The following SMARCA2 variants were observed in gnomAD, a reference collection of about 807,000 sequenced individuals.
The protein encoded by SMARCA2 is SWI/SNF-related matrix-associated actin-dependent regulator of chromatin subfamily A member 2.
SMARCA2 carries 61 observed loss-of-function variants against 199.8 expected under a neutral mutation model. The observed-to-expected ratio is 0.31, with a 90% CI of 0.25 to 0.38. The LOEUF (loss-of-function observed/expected upper bound fraction) is 0.38, where lower values mean the gene tolerates loss of function less well. Ranked by LOEUF, SMARCA2 falls within the 10% of genes least tolerant of loss-of-function variation. The probability of loss-of-function intolerance (pLI) is 1.00; values close to 1 mark genes in which losing one functional copy is unlikely to be tolerated. For missense variants in SMARCA2, 1,344 were observed against 2,012.2 expected, an observed-to-expected ratio of 0.67 and a Z score of 6.35; for synonymous variants, 935 against 732.0, an observed-to-expected ratio of 1.28 and a Z score of -4.48.
chr9:2,023,178 T>C (rs1307078194), intron 1 of SMARCA2, among the ~76,000 whole-genome samples: 1 of 152,208 alleles, frequency 6.6e-6, no homozygotes, highest in East Asian at 1.9e-4. Context: ...TAAGGCAGTG[T>C]CTGAGGTTCA....
chr9:2,112,179 T>G (rs1451704118), intron 24 of SMARCA2, among the ~76,000 whole-genome samples: 1 of 152,154 alleles, frequency 6.6e-6, no homozygotes, highest in East Asian at 1.9e-4. Context: ...CTAGGCTGGG[T>G]ATCTAAGGGG....
chr9:2,117,702 C>T (rs1199183811), intron 25 of SMARCA2, among the ~76,000 whole-genome samples: 1 of 152,194 alleles, frequency 6.6e-6, no homozygotes, highest in Non-Finnish European at 1.5e-5. Flanking sequence ...CAGGGAGTTG[C>T]TGATCTCCCC....
At chr9:2,057,589 A>T (rs978128228) in intron 7 of SMARCA2, among the ~76,000 whole-genome samples, 1 of 152,218 alleles carries the variant, frequency 6.6e-6, no homozygotes, top group Non-Finnish European at 1.5e-5. Context: ...TAACAAATAT[A>T]ATAGTGTCCT....
chr9:2,176,096 G>C (rs967493863), intron 29 of SMARCA2, among the ~76,000 whole-genome samples: 1 of 150,936 alleles, frequency 6.6e-6, no homozygotes, highest in African/African-American at 2.4e-5. Flanking sequence ...GGTCAGGCTG[G>C]TCTTGAACTC....
At chr9:2,070,549 A>G (rs539639017) in intron 10 of SMARCA2, 78 bp downstream of exon 10, 5 of 986,386 alleles carry the variant, frequency 5.1e-6, no homozygotes, top group Non-Finnish European at 4.8e-6. Flanking sequence ...TTCTTCATGC[A>G]TACTATTTTA....
chr9:2,060,789 C>T (rs779962190), intron 8 of SMARCA2, 27 bp from the exon 9 acceptor site: 2 of 1,609,664 alleles, frequency 1.2e-6, no homozygotes, highest in Admixed American at 1.7e-5. Flanking sequence ...ATATTATGCT[C>T]TCATCCTGCT....
intron 29 of SMARCA2, among the ~76,000 whole-genome samples, chr9:2,173,120 G>C (rs1185983069): frequency 1.3e-5 from 2 of 152,196 alleles, no homozygotes; most frequent in Non-Finnish European, 2.9e-5. Context: ...TGAGTGATCA[G>C]TGAACAGCGG....
chr9:2,099,008 A>T (rs901210304), intron 21 of SMARCA2, among the ~76,000 whole-genome samples: 1 of 152,148 alleles, frequency 6.6e-6, no homozygotes. Flanking sequence ...GCAATGGCCA[A>T]AAATGAGTTC....
At chr9:2,113,276 C>G (rs1314443760) in intron 24 of SMARCA2, among the ~76,000 whole-genome samples, 2 of 152,106 alleles carry the variant, frequency 1.3e-5, no homozygotes, top group Admixed American at 6.5e-5. Context: ...AAAAATCCCA[C>G]CAGGTTGCCA....
At chr9:2,077,029 C>G (rs913324193) in intron 13 of SMARCA2, among the ~76,000 whole-genome samples, 4 of 152,090 alleles carry the variant, frequency 2.6e-5, no homozygotes, top group Admixed American at 2.6e-4. Flanking sequence ...CTTTAGGGAC[C>G]CTTCCTCCTA....
intron 27 of SMARCA2, among the ~76,000 whole-genome samples, chr9:2,157,105 C>T (rs1365819553): frequency 4.6e-5 from 7 of 152,270 alleles, no homozygotes; most frequent in South Asian, 2.1e-4. Flanking sequence ...ATTAAAATAA[C>T]GTAGCATCTT....
In SMARCA2 at chr9:2,193,589, T is replaced by G. The variant is rs562222393; in HGVS notation, c.*850T>G. On this transcript the variant is annotated 3_prime_UTR_variant, in exon 34 of 34. Coordinates refer to ENST00000349721, the MANE Select transcript of SMARCA2 (RefSeq NM_003070.5). ...GTAATTTCGAAGAATGTGGTGTTGG[T>G]GCTTTCCTAATAAAGAAATAATTTA... 38 of 152,812 alleles carry G rather than the reference T, an allele frequency of 2.5e-4. No homozygotes were observed. The highest frequency in any genetic ancestry group is 8.9e-4 in the African/African-American group (37 of 41,588). The allele number at this position is 152,812 out of a possible 1,614,324, so 9.5% of individuals were successfully genotyped here.
intron 28 of SMARCA2, among the ~76,000 whole-genome samples, chr9:2,165,868 A>T (rs1443877954): frequency 6.6e-6 from 1 of 152,146 alleles, no homozygotes; most frequent in Non-Finnish European, 1.5e-5. Context: ...GTTGGAAGGG[A>T]TGTTTAGCTC....
At chr9:2,033,844 T>C (rs1022157972) in intron 3 of SMARCA2, among the ~76,000 whole-genome samples, 1 of 152,232 alleles carries the variant, frequency 6.6e-6, no homozygotes, top group Admixed American at 6.5e-5. Context: ...AAATTTTTCC[T>C]GTGTGTCTGT....
intron 5 of SMARCA2, among the ~76,000 whole-genome samples, chr9:2,051,896 T>G (rs1400878916): frequency 6.6e-6 from 1 of 152,218 alleles, no homozygotes; most frequent in Non-Finnish European, 1.5e-5. Flanking sequence ...ATTGTTAAGA[T>G]GCATCATCTG....
intron 27 of SMARCA2, among the ~76,000 whole-genome samples, chr9:2,139,937 A>T (rs1422263844): frequency 6.6e-6 from 1 of 152,240 alleles, no homozygotes; most frequent in Non-Finnish European, 1.5e-5. Context: ...CATGAAGGTT[A>T]AACTACAAAC....
chr9:2,159,048 T>C, intron 27 of SMARCA2: 1 of 1,567,956 alleles, frequency 6.4e-7, no homozygotes, highest in Non-Finnish European at 8.7e-7. Context: ...GTATTAGCAG[T>C]TGTAATAAAA....
chr9:2,052,744 G>C (rs1292367077), intron 5 of SMARCA2, among the ~76,000 whole-genome samples: 1 of 151,790 alleles, frequency 6.6e-6, no homozygotes, highest in African/African-American at 2.4e-5. Flanking sequence ...TTGATATTTG[G>C]GCTATATGAA....
At chr9:2,079,064 T>C (rs1821451196) in intron 14 of SMARCA2, among the ~76,000 whole-genome samples, 1 of 152,196 alleles carries the variant, frequency 6.6e-6, no homozygotes, top group Non-Finnish European at 1.5e-5. Context: ...CTTGTGAACG[T>C]GAGTCGAGGG....
Sources: gnomAD v4.1 joint callset for allele counts (sites outside exome capture counted in the v4.1 genomes callset) on GRCh38, gnomAD v4.1.1 for gene constraint, MANE v1.5 for transcripts, NCBI Gene and HGNC (gene_info 2026-07-23, HGNC 2026-07-21) for gene names.